The following CSMD1 variants were observed in gnomAD, a reference collection of about 807,000 sequenced individuals.
CSMD1 encodes CUB and Sushi multiple domains 1, also known as CUB and sushi domain-containing protein 1.
A neutral mutation model predicts 417.5 loss-of-function variants in CSMD1; 213 were observed. The observed-to-expected ratio is 0.51, with a 90% CI of 0.46 to 0.57. The LOEUF (loss-of-function observed/expected upper bound fraction) is 0.57, where lower values mean the gene tolerates loss of function less well. Ranked by LOEUF, CSMD1 falls within the 20% of genes least tolerant of loss-of-function variation. The pLI, the probability that CSMD1 is intolerant of heterozygous loss-of-function variation, is 0.00. For missense variants in CSMD1, 6,923 were observed against 4,529.7 expected (o/e 1.53, Z -15.17); for synonymous variants, 2,862 against 1,736.8 (o/e 1.65, Z -16.11).
chr8:3,721,210 G>A (rs1802150741), intron 6 of CSMD1, among the ~76,000 whole-genome samples: 1 of 152,052 alleles, frequency 6.6e-6, no homozygotes, highest in Admixed American at 6.6e-5. Context: ...TCAAAGGAAT[G>A]CAATTTTATT....
chr8:4,616,429 G>C (rs1002261847), intron 2 of CSMD1, among the ~76,000 whole-genome samples: 1 of 152,144 alleles, frequency 6.6e-6, no homozygotes, highest in East Asian at 1.9e-4. Flanking sequence ...AAGAACACTG[G>C]CTATTTAGTC....
At chr8:4,854,692 T>A (rs972023277) in intron 1 of CSMD1, among the ~76,000 whole-genome samples, 9 of 152,144 alleles carry the variant, frequency 5.9e-5, no homozygotes. Context: ...ACCCGAATAC[T>A]GCCCTTTTCC....
chr8:4,009,207 A>C (rs1816364281), intron 4 of CSMD1, among the ~76,000 whole-genome samples: 1 of 152,220 alleles, frequency 6.6e-6, no homozygotes, highest in South Asian at 2.1e-4. Context: ...ATAATTCTAA[A>C]TGTAAGTGCA....
chr8:3,781,684 G>C lies in CSMD1; in HGVS notation c.819-27642C>G, dbSNP rs112971925. Among the ~76,000 whole-genome samples, 577 of 152,276 alleles carry C rather than the reference G, an allele frequency of 3.8e-3. 4 individuals carry two copies. The highest frequency in any genetic ancestry group is 0.013 in the African/African-American group (538 of 41,544). Reference sequence around the variant, plus strand: ...GGCAGGTGCCTAGGTTTCCATCCTGGACTCCAGCCTACGGAGGTTCTAGGG... The same window carrying C: ...GGCAGGTGCCTAGGTTTCCATCCTGCACTCCAGCCTACGGAGGTTCTAGGG... On this transcript the variant is annotated intron_variant, in intron 5 of 69. Coordinates refer to ENST00000635120, the MANE Select transcript of CSMD1 (RefSeq NM_033225.6).
intron 1 of CSMD1, among the ~76,000 whole-genome samples, chr8:4,724,097 T>C (rs1053352651): frequency 5.3e-5 from 8 of 152,282 alleles, no homozygotes; most frequent in African/African-American, 1.7e-4. Context: ...AAGTGAGCCA[T>C]TGCAATTTGT....
intron 2 of CSMD1, among the ~76,000 whole-genome samples, chr8:4,575,980 C>T (rs1343310753): frequency 1.3e-5 from 2 of 152,236 alleles, no homozygotes; most frequent in East Asian, 3.9e-4. Flanking sequence ...TCCACCACCA[C>T]AGCCTCAGTC....
chr8:3,028,202 G>C (rs961929644), intron 51 of CSMD1, among the ~76,000 whole-genome samples: 1 of 152,136 alleles, frequency 6.6e-6, no homozygotes, highest in African/African-American at 2.4e-5. Context: ...TGATGTTGGC[G>C]GGAAGAGTCT....
intron 5 of CSMD1, among the ~76,000 whole-genome samples, chr8:3,892,172 C>A (rs1339297343): frequency 6.6e-6 from 1 of 152,130 alleles, no homozygotes; most frequent in African/African-American, 2.4e-5. Context: ...ATATATGAGG[C>A]ATTTAGCCTG....
intron 2 of CSMD1, among the ~76,000 whole-genome samples, chr8:4,474,470 G>T (rs1452754523): frequency 6.6e-6 from 1 of 152,152 alleles, no homozygotes; most frequent in Non-Finnish European, 1.5e-5. Context: ...GACTGAAAAT[G>T]GAAAATCAAA....
chr8:3,959,284 G>A (rs1188598086), intron 5 of CSMD1, among the ~76,000 whole-genome samples: 2 of 152,192 alleles, frequency 1.3e-5, no homozygotes, highest in African/African-American at 4.8e-5. Context: ...AGGACTTGAG[G>A]CCAGAAATGT....
intron 5 of CSMD1, among the ~76,000 whole-genome samples, chr8:3,882,540 G>A (rs562632088): frequency 1.3e-5 from 2 of 152,264 alleles, no homozygotes; most frequent in East Asian, 1.9e-4. Context: ...GTGAGTGGAC[G>A]ATCGCATCCT....
chr8:3,009,724 A>G (rs774483797), intron 52 of CSMD1, among the ~76,000 whole-genome samples: 6 of 152,164 alleles, frequency 3.9e-5, no homozygotes, highest in Non-Finnish European at 5.9e-5. Context: ...TGCATATGGT[A>G]TCACAGAGAG....
intron 5 of CSMD1, among the ~76,000 whole-genome samples, chr8:3,775,134 A>C (rs1798830802): frequency 6.6e-6 from 1 of 152,236 alleles, no homozygotes; most frequent in Non-Finnish European, 1.5e-5. Flanking sequence ...TAGGTAACTG[A>C]AACTGCAGAT....
intron 3 of CSMD1, among the ~76,000 whole-genome samples, chr8:4,056,616 T>A (rs1465720957): frequency 1.3e-5 from 2 of 151,906 alleles, no homozygotes; most frequent in Non-Finnish European, 2.9e-5. Context: ...ACATGTGCCA[T>A]GCTGGGGTCC....
intron 37 of CSMD1, among the ~76,000 whole-genome samples, chr8:3,172,589 C>T (rs982504782): frequency 1.3e-5 from 2 of 151,990 alleles, no homozygotes; most frequent in African/African-American, 4.8e-5. Flanking sequence ...GAGGGCAGGG[C>T]GAGACATGTG....
intron 1 of CSMD1, among the ~76,000 whole-genome samples, chr8:4,767,577 C>A (rs1812549921): frequency 6.6e-6 from 1 of 152,156 alleles, no homozygotes; most frequent in Non-Finnish European, 1.5e-5. Flanking sequence ...TCCTCCCTTT[C>A]CGCATTCATC....
intron 1 of CSMD1, among the ~76,000 whole-genome samples, chr8:4,695,907 T>C (rs1046504842): frequency 9.8e-5 from 15 of 152,350 alleles, no homozygotes; most frequent in African/African-American, 3.1e-4. Context: ...TTGCCAAATT[T>C]AATAACATTT....
At chr8:3,492,794 C>T (rs1563090054) in intron 11 of CSMD1, among the ~76,000 whole-genome samples, 1 of 152,148 alleles carries the variant, frequency 6.6e-6, no homozygotes, top group East Asian at 1.9e-4. Context: ...ACTCTGGAAT[C>T]AGAGTTCTTC....
At chr8:3,754,815 G>C (rs574261427) in intron 5 of CSMD1, among the ~76,000 whole-genome samples, 1 of 152,204 alleles carries the variant, frequency 6.6e-6, no homozygotes, top group Admixed American at 6.5e-5. Flanking sequence ...TCTCATGCTT[G>C]GTAACAAGCT....
Sources: gnomAD v4.1 joint callset for allele counts (sites outside exome capture counted in the v4.1 genomes callset) on GRCh38, gnomAD v4.1.1 for gene constraint, MANE v1.5 for transcripts, NCBI Gene and HGNC (gene_info 2026-07-23, HGNC 2026-07-21) for gene names.